The following EYS variants were observed in gnomAD, a reference collection of about 807,000 sequenced individuals.
EYS encodes the protein EGF-like photoreceptor maintenance factor.
A neutral mutation model predicts 282.1 loss-of-function variants in EYS; 250 were observed. The ratio of observed to expected loss-of-function variants is 0.89; its 90% CI spans 0.80 to 0.98. The LOEUF is 0.98. EYS is among the 50% of genes least tolerant of loss of function. EYS has a pLI of 0.00. For synonymous variants in EYS, 1,355 were observed against 1,282.9 expected (o/e 1.06, Z -1.20); for missense variants, 4,016 against 3,709.0 (o/e 1.08, Z -2.15).
intron 1 of EYS, among the ~76,000 whole-genome samples, chr6:65,676,365 A>G (rs1768596713): frequency 6.6e-6 from 1 of 151,776 alleles, no homozygotes; most frequent in Non-Finnish European, 1.5e-5. Flanking sequence ...TTGAAATAAA[A>G]TTATAAATTG....
intron 28 of EYS, among the ~76,000 whole-genome samples, chr6:64,395,931 C>T (rs1310481381): frequency 6.6e-6 from 1 of 151,718 alleles, no homozygotes; most frequent in African/African-American, 2.4e-5. Flanking sequence ...TTATGGCATA[C>T]ATAATAAAGA....
At chr6:63,763,870 TTATATATATATATATATATA>T (rs55668347) in intron 40 of EYS, among the ~76,000 whole-genome samples, 1 of 129,664 alleles carries the variant, frequency 7.7e-6, no homozygotes, top group Non-Finnish European at 1.6e-5. Context: ...TTATATCTTG[TTATATATATATATATATATA>T]TATATATATA....
intron 26 of EYS, among the ~76,000 whole-genome samples, chr6:64,514,778 G>T (rs1360730273): frequency 1.3e-5 from 2 of 151,808 alleles, no homozygotes; most frequent in African/African-American, 4.8e-5. Context: ...AAGGGCTACA[G>T]AGAGAGGAGA....
intron 23 of EYS, among the ~76,000 whole-genome samples, chr6:64,618,648 A>G (rs1455902239): frequency 6.6e-6 from 1 of 152,222 alleles, no homozygotes; most frequent in Non-Finnish European, 1.5e-5. Context: ...ACACTTCATT[A>G]TAAGAAACAA....
intron 5 of EYS, among the ~76,000 whole-genome samples, chr6:65,482,019 AG>A (rs1436501626): frequency 2.0e-5 from 3 of 152,202 alleles, no homozygotes; most frequent in Non-Finnish European, 2.9e-5. Flanking sequence ...ACGGTAGCAA[AG>A]GAAATTTTTC....
intron 12 of EYS, among the ~76,000 whole-genome samples, chr6:65,173,516 T>C (rs1765159252): frequency 6.6e-6 from 1 of 151,346 alleles, no homozygotes; most frequent in African/African-American, 2.4e-5. Context: ...TTAAAAAATG[T>C]AACCTTTGAA....
chr6:65,662,268 C>A (rs974842780), intron 1 of EYS, among the ~76,000 whole-genome samples: 1 of 152,104 alleles, frequency 6.6e-6, no homozygotes, highest in Non-Finnish European at 1.5e-5. Flanking sequence ...ATCTTCTACT[C>A]AAATTTAGTG....
intron 14 of EYS, among the ~76,000 whole-genome samples, chr6:64,977,125 T>G (rs1267320366): frequency 6.6e-6 from 1 of 151,916 alleles, no homozygotes; most frequent in Non-Finnish European, 1.5e-5. Context: ...ACTCCTGATC[T>G]CAAATGATCT....
intron 12 of EYS, among the ~76,000 whole-genome samples, chr6:65,224,115 A>G (rs1021357521): frequency 2.6e-5 from 4 of 152,164 alleles, no homozygotes; most frequent in African/African-American, 9.7e-5. Flanking sequence ...CAAAATACCA[A>G]CAACAAAATA....
At chr6:64,113,551 C>G (rs1773279034) in intron 31 of EYS, among the ~76,000 whole-genome samples, 1 of 152,074 alleles carries the variant, frequency 6.6e-6, no homozygotes, top group Admixed American at 6.5e-5. Flanking sequence ...AAGAAGGGAG[C>G]AAAAATTCCT....
intron 34 of EYS, among the ~76,000 whole-genome samples, chr6:63,998,263 A>T (rs1183979612): frequency 6.6e-6 from 1 of 152,198 alleles, no homozygotes; most frequent in African/African-American, 2.4e-5. Context: ...GCAGATATTG[A>T]ATGAGATAAT....
intron 12 of EYS, among the ~76,000 whole-genome samples, chr6:65,275,750 A>G (rs879865193): frequency 2.6e-5 from 4 of 152,168 alleles, no homozygotes; most frequent in Non-Finnish European, 4.4e-5. Context: ...CTGGCTCCAA[A>G]TATGGCACCA....
intron 36 of EYS, among the ~76,000 whole-genome samples, chr6:63,826,796 A>G (rs1422169699): frequency 6.8e-6 from 1 of 147,982 alleles, no homozygotes; most frequent in Non-Finnish European, 1.5e-5. Flanking sequence ...GAACCTCTTT[A>G]AAGCATAAAT....
At chr6:65,568,291 CT>C (rs1291519245) in intron 2 of EYS, among the ~76,000 whole-genome samples, 2 of 120,864 alleles carry the variant, frequency 1.7e-5, no homozygotes, top group African/African-American at 3.2e-5. Context: ...CTCCCACTTT[CT>C]TTTTTTCTTT....
chr6:65,119,492 A>C (rs1412632257), intron 12 of EYS, among the ~76,000 whole-genome samples: 1 of 152,090 alleles, frequency 6.6e-6, no homozygotes, highest in Non-Finnish European at 1.5e-5. Context: ...TCAGATGTTC[A>C]AGCACTGATG....
At chr6:64,810,632 A>T (rs1003870928) in intron 22 of EYS, among the ~76,000 whole-genome samples, 1 of 152,112 alleles carries the variant, frequency 6.6e-6, no homozygotes, top group African/African-American at 2.4e-5. Context: ...ATTGGAAAAA[A>T]TAATTCTAAA....
At chr6:63,901,774 G>A (rs985460463) in intron 35 of EYS, among the ~76,000 whole-genome samples, 2 of 152,138 alleles carry the variant, frequency 1.3e-5, no homozygotes, top group African/African-American at 4.8e-5. Flanking sequence ...TCAAATTTTG[G>A]ATTTTTTGAA....
intron 30 of EYS, among the ~76,000 whole-genome samples, chr6:64,247,305 T>G (rs1470768442): frequency 3.3e-5 from 5 of 152,180 alleles, no homozygotes; most frequent in African/African-American, 1.2e-4. Context: ...AGAACATATG[T>G]GCTGGCAAAG....
chr6:64,823,149 T>C (rs992170245), intron 19 of EYS, among the ~76,000 whole-genome samples: 1 of 151,946 alleles, frequency 6.6e-6, no homozygotes, highest in African/African-American at 2.4e-5. Flanking sequence ...ATAATTTTTT[T>C]TGTAATGGTC....
Sources: gnomAD v4.1 joint callset for allele counts (sites outside exome capture counted in the v4.1 genomes callset) on GRCh38, gnomAD v4.1.1 for gene constraint, MANE v1.5 for transcripts, NCBI Gene and HGNC (gene_info 2026-07-23, HGNC 2026-07-21) for gene names.